The following LRRC20 variants were observed in gnomAD, a reference collection of about 807,000 sequenced individuals.
LRRC20 encodes leucine rich repeat containing 20, also known as leucine-rich repeat-containing protein 20.
LRRC20 carries 11 observed loss-of-function variants against 14.4 expected under a neutral mutation model. That is an observed-to-expected ratio of 0.77 (90% CI 0.48 to 1.27). The LOEUF (loss-of-function observed/expected upper bound fraction) is 1.27. Ranked by LOEUF, LRRC20 falls within the 50% of genes most tolerant of loss-of-function variation. LRRC20 has a pLI of 0.00. For missense variants in LRRC20, 219 were observed against 251.2 expected (o/e 0.87, Z 0.87); for synonymous variants, 121 against 107.3 (o/e 1.13, Z -0.79).
At chr10:70,359,754 A>G (rs1366671736) in intron 2 of LRRC20, among the ~76,000 whole-genome samples, 1 of 152,074 alleles carries the variant, frequency 6.6e-6, no homozygotes, top group African/African-American at 2.4e-5. Flanking sequence ...TACTGTTCCC[A>G]TTAAGTAGAA....
intron 4 of LRRC20, among the ~76,000 whole-genome samples, chr10:70,305,610 G>C (rs1343061849): frequency 1.3e-5 from 2 of 152,134 alleles, no homozygotes; most frequent in African/African-American, 4.8e-5. Context: ...ACTCAGAAAA[G>C]TTGAATATTA....
chr10:70,346,262 A>G (rs748701956), intron 2 of LRRC20, among the ~76,000 whole-genome samples: 10 of 152,026 alleles, frequency 6.6e-5, no homozygotes, highest in Non-Finnish European at 1.3e-4. Context: ...AATAAATAAA[A>G]TAAATTTGCT....
intron 1 of LRRC20, among the ~76,000 whole-genome samples, chr10:70,379,002 C>G (rs1844610474): frequency 6.6e-6 from 1 of 152,148 alleles, no homozygotes; most frequent in Non-Finnish European, 1.5e-5. Context: ...CTGTGGGCAG[C>G]TTGGGGCCAG....
intron 2 of LRRC20, among the ~76,000 whole-genome samples, chr10:70,356,338 C>G (rs1843516742): frequency 6.6e-6 from 1 of 151,980 alleles, no homozygotes; most frequent in Non-Finnish European, 1.5e-5. Context: ...ACAGTAAAAC[C>G]CTGGTTCTAT....
chr10:70,320,614 G>A (rs185723412), intron 4 of LRRC20, among the ~76,000 whole-genome samples: 9 of 152,278 alleles, frequency 5.9e-5, no homozygotes, highest in Non-Finnish European at 1.2e-4. Flanking sequence ...CTGAGTACCT[G>A]CTGTATGCCA....
chr10:70,323,767 G>C, intron 4 of LRRC20, 96 bp downstream of exon 4: 1 of 1,385,386 alleles, frequency 7.2e-7, no homozygotes. Flanking sequence ...GAAAGCCCAA[G>C]CTTCTCCTCC....
At chr10:70,367,021 T>C (rs900091088) in intron 2 of LRRC20, among the ~76,000 whole-genome samples, 8 of 152,042 alleles carry the variant, frequency 5.3e-5, no homozygotes, top group African/African-American at 1.9e-4. Context: ...TGTATTTATC[T>C]GAGAGAAATG....
At chr10:70,362,952 G>T (rs1222609043) in intron 2 of LRRC20, among the ~76,000 whole-genome samples, 1 of 152,092 alleles carries the variant, frequency 6.6e-6, no homozygotes, top group South Asian at 2.1e-4. Flanking sequence ...CCATGGACAG[G>T]ATTAGTGTCC....
At position 70,331,526 on chromosome 10, in the gene LRRC20, C is replaced by G. The variant is rs545868757; in HGVS notation, c.233-7496G>C. Among the ~76,000 whole-genome samples the G allele has an allele frequency of 2.2e-4, 34 of 152,330 alleles. No homozygotes were observed. The South Asian group carries it at 6.6e-3, about 30-fold the overall frequency. On this transcript the variant is annotated intron_variant, in intron 3 of 4. Coordinates refer to ENST00000446961, the MANE Select transcript of LRRC20 (RefSeq NM_001278212.2). ...GGCTTCCAGCCCAACACAGCCACAG[C>G]CACGTCTGGCTTTGCTTCTCACCTC...
intron 3 of LRRC20, among the ~76,000 whole-genome samples, chr10:70,324,864 C>T (rs1329878593): frequency 6.6e-6 from 1 of 152,206 alleles, no homozygotes; most frequent in Non-Finnish European, 1.5e-5. Context: ...CCTACTTTCA[C>T]TGTTCTTCCT....
In LRRC20 at chr10:70,382,565, A is replaced by G. The variant is rs1175720575; in HGVS notation, c.-80T>C. 6.6e-6 allele frequency: 1 copy of G among 151,744 alleles called. No homozygotes were observed. The highest frequency in any genetic ancestry group is 1.5e-5 in the Non-Finnish European group (1 of 67,896). The allele number at this position is 151,744 out of a possible 1,614,324, so 9.4% of individuals were successfully genotyped here. A position where few individuals can be genotyped will look rare whatever the true frequency, so the allele number is the denominator to read the frequency against. ...TCCACTTACGGCGACAATGCCTCCT[A>G]GCGCCCTGCGCAGCGCAGTCACGCT... On this transcript the variant is annotated 5_prime_UTR_variant, in exon 1 of 5. Coordinates refer to ENST00000446961, the MANE Select transcript of LRRC20 (RefSeq NM_001278212.2).
chr10:70,374,877 C>T (rs959161989), intron 2 of LRRC20, among the ~76,000 whole-genome samples: 2 of 152,138 alleles, frequency 1.3e-5, no homozygotes, highest in Non-Finnish European at 2.9e-5. Context: ...GTGCCAAACA[C>T]CTTACAGACA....
intron 2 of LRRC20, among the ~76,000 whole-genome samples, chr10:70,344,505 A>G (rs1843011772): frequency 3.3e-5 from 5 of 152,114 alleles, no homozygotes; most frequent in Non-Finnish European, 7.4e-5. Context: ...AATGAGCATA[A>G]TGAAAAATGT....
chr10:70,320,296 G>GAGAT (rs10555469), intron 4 of LRRC20, among the ~76,000 whole-genome samples: 34,880 of 148,260 alleles, frequency 0.24, 4,095 homozygotes, highest in Admixed American at 0.26. Flanking sequence ...CATGTCCCAG[G>GAGAT]AGATAGATAG....
At chr10:70,304,470 T>A (rs1326176542) in intron 4 of LRRC20, among the ~76,000 whole-genome samples, 3 of 113,820 alleles carry the variant, frequency 2.6e-5, no homozygotes, top group Non-Finnish European at 3.8e-5. Context: ...GGCCACTTCT[T>A]TATATATATA....
At chr10:70,308,404 C>T (rs928909277) in intron 4 of LRRC20, among the ~76,000 whole-genome samples, 2 of 151,998 alleles carry the variant, frequency 1.3e-5, no homozygotes, top group Non-Finnish European at 2.9e-5. Context: ...CCCCGGGCCC[C>T]GTAAACTGGC....
At chr10:70,312,443 G>C (rs999146087) in intron 4 of LRRC20, among the ~76,000 whole-genome samples, 6 of 152,180 alleles carry the variant, frequency 3.9e-5, no homozygotes, top group African/African-American at 1.2e-4. Flanking sequence ...CAGGGGCTGA[G>C]CCTTCCCTAC....
At chr10:70,380,324 A>G (rs975115176) in intron 1 of LRRC20, among the ~76,000 whole-genome samples, 3 of 152,324 alleles carry the variant, frequency 2.0e-5, no homozygotes, top group South Asian at 4.1e-4. Flanking sequence ...GGGACCCCCA[A>G]AAGGTTCCCG....
At chr10:70,355,799 A>G (rs77918873) in intron 2 of LRRC20, among the ~76,000 whole-genome samples, 7,179 of 152,260 alleles carry the variant, frequency 0.047, 219 homozygotes, top group South Asian at 0.097. Flanking sequence ...ATGGGGACAT[A>G]GGGAACAGAG....
Sources: gnomAD v4.1 joint callset for allele counts (sites outside exome capture counted in the v4.1 genomes callset) on GRCh38, gnomAD v4.1.1 for gene constraint, MANE v1.5 for transcripts, NCBI Gene and HGNC (gene_info 2026-07-23, HGNC 2026-07-21) for gene names.